CDC42SE2: variants seen among roughly 807,000 people sequenced by gnomAD.
CDC42SE2 encodes CDC42 small effector protein 2.
A neutral mutation model predicts 11.5 loss-of-function variants in CDC42SE2; 3 were observed. The observed-to-expected ratio is 0.26, with a 90% CI of 0.12 to 0.67. The LOEUF is 0.67. Among genes scored for constraint, CDC42SE2 ranks in the 30% least tolerant of loss-of-function variants. CDC42SE2 has a pLI of 0.80. For synonymous variants in CDC42SE2, 33 were observed against 34.8 expected (o/e 0.95, Z 0.18); for missense variants, 82 against 106.8 (o/e 0.77, Z 1.02).
chr5:131,278,940 A>G (rs1360266721), intron 1 of CDC42SE2, among the ~76,000 whole-genome samples: 4 of 148,672 alleles, frequency 2.7e-5, no homozygotes, highest in African/African-American at 7.5e-5. Flanking sequence ...GTGCACCACC[A>G]CGCCCGACTA....
chr5:131,329,749 G>A (rs1201284962), intron 2 of CDC42SE2, among the ~76,000 whole-genome samples: 1 of 151,048 alleles, frequency 6.6e-6, no homozygotes. Context: ...CATGGTGGTG[G>A]GCCCCTGTAA....
rs139599356 is a variant in CDC42SE2, at chr5:131,369,909, T to C, written c.54+10362T>C. 4.6e-5 allele frequency among the ~76,000 whole-genome samples: 7 copies of C among 152,378 alleles called. No individual in the cohort carries two copies. In the East Asian group the frequency reaches 1.3e-3, roughly 29 times the overall value. On this transcript the variant is annotated intron_variant, in intron 3 of 4. Transcript: ENST00000505065. The stretch of plus-strand genomic sequence containing the variant: ...ACAACATCTTTGTTTTTATGTTTAA[T>C]TTCAAGTATGGTTAAGCACTAATTT...
At chr5:131,385,186 C>T (rs371888641) in intron 3 of CDC42SE2, among the ~76,000 whole-genome samples, 1 of 152,160 alleles carries the variant, frequency 6.6e-6, no homozygotes, top group East Asian at 1.9e-4. Context: ...TAAAATCAGA[C>T]AGTGTATTCA....
intron 2 of CDC42SE2, among the ~76,000 whole-genome samples, chr5:131,323,059 A>G (rs1056319283): frequency 6.6e-6 from 1 of 150,978 alleles, no homozygotes; most frequent in Non-Finnish European, 1.5e-5. Context: ...ACAGGCTTTC[A>G]CTCTGTTGCC....
chr5:131,232,036 C>T, the CDC42SE2 span, among the ~76,000 whole-genome samples: 4 of 152,122 alleles, frequency 2.6e-5, no homozygotes, highest in African/African-American at 7.2e-5. Flanking sequence ...GTGATCCACC[C>T]GCCTTGGCCT....
intron 3 of CDC42SE2, among the ~76,000 whole-genome samples, chr5:131,374,810 A>G (rs1023571026): frequency 6.6e-6 from 1 of 152,180 alleles, no homozygotes. Context: ...GAAGGAAACA[A>G]CAGTGGACAA....
At chr5:131,298,172 G>A (rs947287562) in intron 1 of CDC42SE2, among the ~76,000 whole-genome samples, 10 of 150,622 alleles carry the variant, frequency 6.6e-5, no homozygotes, top group African/African-American at 2.4e-4. Flanking sequence ...GAAAAATCTC[G>A]GCTCAGCGCA....
chr5:131,301,785 A>T (rs1414463402), intron 1 of CDC42SE2, among the ~76,000 whole-genome samples: 1 of 151,892 alleles, frequency 6.6e-6, no homozygotes, highest in Admixed American at 6.6e-5. Context: ...AAAAAAGTTA[A>T]AAGTCCTCTG....
intron 1 of CDC42SE2, among the ~76,000 whole-genome samples, chr5:131,265,048 T>G (rs1756828215): frequency 6.6e-6 from 1 of 152,180 alleles, no homozygotes; most frequent in African/African-American, 2.4e-5. Flanking sequence ...ACAAAGCTTA[T>G]CTCACATCTA....
chr5:131,273,158 A>G (rs945730832), intron 1 of CDC42SE2, among the ~76,000 whole-genome samples: 1 of 138,888 alleles, frequency 7.2e-6, no homozygotes, highest in Non-Finnish European at 1.6e-5. Flanking sequence ...TTTTTTTATA[A>G]TTTTTTTTTT....
At chr5:131,286,469 A>G (rs1238345192) in intron 1 of CDC42SE2, among the ~76,000 whole-genome samples, 1 of 149,568 alleles carries the variant, frequency 6.7e-6, no homozygotes, top group Non-Finnish European at 1.5e-5. Context: ...GTGAGAGGGA[A>G]TGAATGCCAA....
intron 4 of CDC42SE2, among the ~76,000 whole-genome samples, chr5:131,389,344 A>G (rs1470137373): frequency 6.6e-6 from 1 of 152,218 alleles, no homozygotes; most frequent in Non-Finnish European, 1.5e-5. Context: ...TAAAAAACAA[A>G]CAAACAAAAA....
chr5:131,273,162 T>TTC (rs1321952525), intron 1 of CDC42SE2, among the ~76,000 whole-genome samples: 2 of 148,636 alleles, frequency 1.3e-5, no homozygotes, highest in African/African-American at 4.9e-5. Context: ...TTTATAATTT[T>TTC]TTTTTTTTTT....
chr5:131,335,603 A>T (rs1442726023), intron 2 of CDC42SE2, among the ~76,000 whole-genome samples: 3 of 152,158 alleles, frequency 2.0e-5, no homozygotes, highest in African/African-American at 7.2e-5. Context: ...TGGGAATCTA[A>T]GTCTCTTTGT....
At chr5:131,321,950 A>G (rs1265378584) in intron 2 of CDC42SE2, among the ~76,000 whole-genome samples, 2 of 152,272 alleles carry the variant, frequency 1.3e-5, no homozygotes, top group East Asian at 3.9e-4. Flanking sequence ...TCCCGGGTTC[A>G]TGCCATTCTC....
chr5:131,356,674 C>T (rs10063206), intron 2 of CDC42SE2, among the ~76,000 whole-genome samples: 7,273 of 152,234 alleles, frequency 0.048, 489 homozygotes, highest in African/African-American at 0.15. Flanking sequence ...AATGCCAGCA[C>T]TTTGGGAGGC....
chr5:131,311,437 C>G (rs1228699853), intron 1 of CDC42SE2, among the ~76,000 whole-genome samples: 2 of 151,454 alleles, frequency 1.3e-5, no homozygotes, highest in Non-Finnish European at 2.9e-5. Context: ...TTGCTCTTCT[C>G]AAGGAGTATC....
At chr5:131,318,050 C>T (rs755722045) in intron 2 of CDC42SE2, among the ~76,000 whole-genome samples, 7 of 152,104 alleles carry the variant, frequency 4.6e-5, no homozygotes, top group Non-Finnish European at 1.0e-4. Flanking sequence ...AAGCGATCCT[C>T]CTGTCTCAGC....
At chr5:131,380,632 C>T (rs1481851459) in intron 3 of CDC42SE2, among the ~76,000 whole-genome samples, 1 of 151,786 alleles carries the variant, frequency 6.6e-6, no homozygotes, top group African/African-American at 2.4e-5. Context: ...ACCTTTCCTG[C>T]CTTCTCAGGA....
Sources: gnomAD v4.1 joint callset for allele counts (sites outside exome capture counted in the v4.1 genomes callset) on GRCh38, gnomAD v4.1.1 for gene constraint, MANE v1.5 for transcripts, NCBI Gene and HGNC (gene_info 2026-07-23, HGNC 2026-07-21) for gene names.